Variants in RAB27A observed in about 807,000 individuals in gnomAD.
RAB27A encodes the protein RAB27A, member RAS oncogene family.
Under a neutral mutation model 20.8 loss-of-function variants are expected in RAB27A, and 17 were observed. That is an observed-to-expected ratio of 0.82 (90% confidence interval 0.56 to 1.23). The LOEUF is 1.23. RAB27A is among the 50% of genes most tolerant of loss of function. RAB27A has a pLI of 0.00. For synonymous variants in RAB27A, 85 were observed against 92.8 expected (o/e 0.92, Z 0.48); for missense variants, 277 against 266.7 (o/e 1.04, Z -0.27).
intron 1 of RAB27A, among the ~76,000 whole-genome samples, chr15:55,273,033 A>G (rs1897752748): frequency 6.6e-6 from 1 of 152,214 alleles, no homozygotes; most frequent in East Asian, 1.9e-4. Context: ...TACCAAATAG[A>G]AAATAATGAA....
At chr15:55,300,112 G>T (rs920256639) in intron 2 of RAB27A, among the ~76,000 whole-genome samples, 39 of 152,046 alleles carry the variant, frequency 2.6e-4, no homozygotes, top group Non-Finnish European at 4.4e-4. Flanking sequence ...GAGCCACCGC[G>T]CCTGGCCAAT....
intron 2 of RAB27A, among the ~76,000 whole-genome samples, chr15:55,243,763 A>C (rs1896583762): frequency 6.6e-6 from 1 of 152,216 alleles, no homozygotes; most frequent in Non-Finnish European, 1.5e-5. Context: ...ATGGGGATCC[A>C]ACTCAGTTAT....
At chr15:55,308,104 C>G (rs187833917) in intron 2 of RAB27A, among the ~76,000 whole-genome samples, 5 of 152,140 alleles carry the variant, frequency 3.3e-5, no homozygotes, top group Non-Finnish European at 5.9e-5. Flanking sequence ...TACTACGGGT[C>G]CTTTTATAAG....
chr15:55,212,175 A>G (rs911301702), intron 6 of RAB27A, among the ~76,000 whole-genome samples: 1 of 152,182 alleles, frequency 6.6e-6, no homozygotes, highest in African/African-American at 2.4e-5. Context: ...TACTGTATTC[A>G]GGTACACAAT....
intron 3 of RAB27A, among the ~76,000 whole-genome samples, chr15:55,233,234 A>G (rs949241361): frequency 2.6e-5 from 4 of 152,224 alleles, no homozygotes; most frequent in African/African-American, 9.6e-5. Flanking sequence ...TAATGGCACA[A>G]AAATATGGGA....
At chr15:55,229,485 G>A (rs1448351172) in intron 4 of RAB27A, among the ~76,000 whole-genome samples, 2 of 152,172 alleles carry the variant, frequency 1.3e-5, no homozygotes, top group African/African-American at 4.8e-5. Context: ...AGACCAGCCT[G>A]ACCAACATGG....
intron 2 of RAB27A, among the ~76,000 whole-genome samples, chr15:55,247,667 C>T (rs1045263138): frequency 1.3e-5 from 2 of 152,170 alleles, no homozygotes; most frequent in African/African-American, 4.8e-5. Context: ...AGCAATGATA[C>T]TTCTTTCCTT....
intron 6 of RAB27A, among the ~76,000 whole-genome samples, chr15:55,222,200 T>C (rs1339270811): frequency 6.6e-6 from 1 of 152,244 alleles, no homozygotes; most frequent in Non-Finnish European, 1.5e-5. Context: ...TTAAAAGTTC[T>C]CTGGATGTTT....
intron 1 of RAB27A, among the ~76,000 whole-genome samples, chr15:55,286,152 T>C (rs1430789548): frequency 1.3e-5 from 2 of 152,218 alleles, no homozygotes; most frequent in South Asian, 2.1e-4. Context: ...CCTCTGATCT[T>C]GGAAGCCAAG....
In RAB27A at chr15:55,203,856, A is replaced by G. The variant is rs893714426; in HGVS notation, c.*1651T>C. 2 of 151,994 alleles carry G rather than the reference A, an allele frequency of 1.3e-5. No homozygotes were observed. The highest frequency in any genetic ancestry group is 1.3e-4 in the Admixed American group (2 of 15,252). The allele number at this position is 151,994 out of a possible 1,614,324, so 9.4% of individuals were successfully genotyped here. On this transcript the variant is annotated 3_prime_UTR_variant, in exon 7 of 7. Coordinates refer to ENST00000336787, the MANE Select transcript of RAB27A (RefSeq NM_183235.3). ...AGAAATATGTAAAATTTTACCAACC[A>G]TGGATAAGTTTGTTATGGGAGTAGT...
At chr15:55,209,143 G>A (rs749933152) in intron 6 of RAB27A, among the ~76,000 whole-genome samples, 2 of 152,050 alleles carry the variant, frequency 1.3e-5, no homozygotes, top group African/African-American at 2.4e-5. Context: ...ATACTAGAAC[G>A]ATTGGAATTT....
At chr15:55,273,416 A>T (rs71476712) in intron 1 of RAB27A, among the ~76,000 whole-genome samples, 17,280 of 150,400 alleles carry the variant, frequency 0.11, 1,295 homozygotes, top group Admixed American at 0.21. Flanking sequence ...CTCAAAAAAA[A>T]AAAAATAAAA....
chr15:55,313,408 A>C (rs12909972), intron 2 of RAB27A, among the ~76,000 whole-genome samples: 1 of 152,226 alleles, frequency 6.6e-6, no homozygotes, highest in Non-Finnish European at 1.5e-5. Context: ...CTCTTTAAAA[A>C]CAAAAAACAC....
At chr15:55,230,750 AC>A (rs1895999567) in intron 3 of RAB27A, among the ~76,000 whole-genome samples, 1 of 152,198 alleles carries the variant, frequency 6.6e-6, no homozygotes, top group African/African-American at 2.4e-5. Context: ...TAATTAGTTT[AC>A]CTTTCCTCAA....
intron 6 of RAB27A, among the ~76,000 whole-genome samples, chr15:55,213,882 A>G (rs1214581838): frequency 6.6e-6 from 1 of 152,238 alleles, no homozygotes; most frequent in Non-Finnish European, 1.5e-5. Flanking sequence ...TAAAGTGCAC[A>G]ATAAATGTAA....
chr15:55,251,390 C>T (rs2141036956), intron 2 of RAB27A, among the ~76,000 whole-genome samples: 1 of 152,254 alleles, frequency 6.6e-6, no homozygotes, highest in Admixed American at 6.5e-5. Flanking sequence ...GGCCAAACTG[C>T]CCAAAAGGCA....
At chr15:55,292,956 T>G (rs151043609), upstream of RAB27A, among the ~76,000 whole-genome samples, 43 of 152,022 alleles carry the variant, frequency 2.8e-4, no homozygotes, top group African/African-American at 9.9e-4. Context: ...TCCAGAGAGG[T>G]AGGAAGAAAA....
chr15:55,260,538 G>A (rs770978121), intron 2 of RAB27A, among the ~76,000 whole-genome samples: 80 of 152,320 alleles, frequency 5.3e-4, no homozygotes, highest in Non-Finnish European at 8.7e-4. Context: ...GAAGCAACAA[G>A]ATGTTCGTCA....
intron 1 of RAB27A, among the ~76,000 whole-genome samples, chr15:55,288,281 G>C (rs1335288548): frequency 6.6e-6 from 1 of 152,156 alleles, no homozygotes; most frequent in Non-Finnish European, 1.5e-5. Context: ...AGCACTTTGG[G>C]AGGCTGACGC....
Sources: allele counts gnomAD v4.1 joint callset (sites outside exome capture counted in the v4.1 genomes callset), GRCh38; gene constraint gnomAD v4.1.1; transcripts MANE v1.5; gene names NCBI Gene and HGNC (gene_info 2026-07-23, HGNC 2026-07-21).